Variants in ZNF831 observed in about 807,000 individuals in gnomAD.
The protein encoded by ZNF831 is chromosome 20 open reading frame 174.
ZNF831 carries 59 observed loss-of-function variants against 95.8 expected under a neutral mutation model. The ratio of observed to expected loss-of-function variants is 0.62; its 90% CI spans 0.50 to 0.77. The LOEUF (loss-of-function observed/expected upper bound fraction) is 0.77, where lower values mean the gene tolerates loss of function less well. Ranked by LOEUF, ZNF831 falls within the 30% of genes least tolerant of loss-of-function variation. The pLI, the probability that ZNF831 is intolerant of heterozygous loss-of-function variation, is 0.00. For synonymous variants in ZNF831, 961 were observed against 925.5 expected (o/e 1.04, Z -0.70); for missense variants, 2,205 against 2,164.0 (o/e 1.02, Z -0.38).
intron 2 of ZNF831, among the ~76,000 whole-genome samples, chr20:59,154,207 T>G (rs967389966): frequency 6.6e-6 from 1 of 152,176 alleles, no homozygotes; most frequent in African/African-American, 2.4e-5. Context: ...TGCAGTGGGT[T>G]GGGAGAGCCA....
chr20:59,139,914 G>T (rs1291027696), intron 1 of ZNF831, among the ~76,000 whole-genome samples: 1 of 152,150 alleles, frequency 6.6e-6, no homozygotes, highest in African/African-American at 2.4e-5. Flanking sequence ...TGGACTCAGT[G>T]TAAAGTAGTT....
chr20:59,253,860 C>A, intron 5 of ZNF831, 38 bp from the exon 6 acceptor site: 1 of 904,354 alleles, frequency 1.1e-6, no homozygotes. Context: ...CAATTAACCT[C>A]CCCCCCCACT....
chr20:59,249,299 C>A (rs560904888), intron 4 of ZNF831, among the ~76,000 whole-genome samples: 31 of 152,204 alleles, frequency 2.0e-4, no homozygotes, highest in African/African-American at 7.5e-4. Context: ...CTGTAGTATG[C>A]TCCCCTCCAT....
intron 2 of ZNF831, among the ~76,000 whole-genome samples, chr20:59,155,309 C>G (rs756970270): frequency 1.3e-5 from 2 of 152,182 alleles, no homozygotes; most frequent in African/African-American, 2.4e-5. Context: ...CACTTGTTAG[C>G]AGGCAGGAAA....
chr20:59,181,327 G>A (rs1000322274), intron 1 of ZNF831, among the ~76,000 whole-genome samples: 4 of 152,148 alleles, frequency 2.6e-5, no homozygotes, highest in Non-Finnish European at 5.9e-5. Flanking sequence ...TAGGTTGCCT[G>A]TTCACCCTGA....
Position 59,192,094 on chromosome 20 carries a change from C to A in ZNF831, c.1075C>A (p.Pro359Thr), listed in dbSNP as rs2146559698. ...RSDSAEQPHAPCSPLHSLSEH... is the reference protein window; with the variant it reads ...RSDSAEQPHATCSPLHSLSEH... ...CGACAGCGCGGAGCAGCCGCATGCG[C>A]CCTGCAGCCCCCTGCACAGCCTTTC... Residue 359 changes from proline to threonine, a missense_variant, in exon 2 of 6, where the codon CCC (proline) becomes ACC (threonine). By Grantham distance (38) the Pro-to-Thr change is conservative. Transcript: ENST00000371030. The surrounding 1 kb of genome is among the most constrained non-coding windows in gnomAD (Gnocchi z 5.2). 6.3e-7 allele frequency: 1 copy of A among 1,594,694 alleles called. No individual in the cohort carries two copies. Among genetic ancestry groups the A allele is most frequent in the Non-Finnish European group, 8.5e-7 (1 of 1,174,498 alleles).
chr20:59,162,777 C>T (rs143848321), upstream of ZNF831, among the ~76,000 whole-genome samples: 2 of 152,194 alleles, frequency 1.3e-5, no homozygotes, highest in East Asian at 3.9e-4. Context: ...GCTATTCGGG[C>T]TCCTTTTTGG....
chr20:59,238,957 A>C (rs974494422), intron 4 of ZNF831, among the ~76,000 whole-genome samples: 10 of 152,326 alleles, frequency 6.6e-5, no homozygotes, highest in South Asian at 2.1e-4. Flanking sequence ...TTTCCTCTCT[A>C]TGAGAGAAAT....
chr20:59,247,015 A>AT (rs982306676), intron 4 of ZNF831, among the ~76,000 whole-genome samples: 2 of 152,096 alleles, frequency 1.3e-5, no homozygotes, highest in African/African-American at 2.4e-5. Context: ...ATTTTTAGCC[A>AT]TTTTTTTCGT....
intron 1 of ZNF831, among the ~76,000 whole-genome samples, chr20:59,187,038 T>C (rs1601355355): frequency 6.6e-6 from 1 of 152,074 alleles, no homozygotes; most frequent in Non-Finnish European, 1.5e-5. Flanking sequence ...ATGATGCTAC[T>C]GATGCTGAGG....
intron 3 of ZNF831, among the ~76,000 whole-genome samples, chr20:59,198,530 T>C (rs1234318745): frequency 1.3e-5 from 2 of 152,158 alleles, no homozygotes; most frequent in Non-Finnish European, 2.9e-5. Flanking sequence ...CCCCATAGCA[T>C]TTGAGTTTGC....
intron 1 of ZNF831, among the ~76,000 whole-genome samples, chr20:59,188,806 A>G (rs2146536025): frequency 6.6e-6 from 1 of 152,374 alleles, no homozygotes; most frequent in South Asian, 2.1e-4. Context: ...TCTTGAAAGT[A>G]TCCTTTGATG....
intron 4 of ZNF831, among the ~76,000 whole-genome samples, chr20:59,239,243 C>G (rs1987174851): frequency 6.6e-6 from 1 of 152,092 alleles, no homozygotes. Context: ...CCCAGCGCTT[C>G]CAGCCCTCAG....
In ZNF831 at chr20:59,170,768, A is replaced by G. The variant is rs1457982362; in HGVS notation, c.-37+6561A>G. On this transcript the variant is annotated intron_variant, in intron 1 of 5. Transcript: ENST00000371030. ...TCCCAGCAAGGACACACGTGGAAGG[A>G]GTCAGACCTCCCTGGAAGAGATGTG... Among the ~76,000 whole-genome samples the G allele has an allele frequency of 2.6e-5, 4 of 152,204 alleles. No individual in the cohort carries two copies. In the East Asian group the frequency reaches 7.7e-4, roughly 29 times the overall value.
intron 3 of ZNF831, among the ~76,000 whole-genome samples, chr20:59,202,476 G>C (rs952434406): frequency 6.6e-6 from 1 of 152,060 alleles, no homozygotes; most frequent in South Asian, 2.1e-4. Context: ...TTTTGACTGT[G>C]AGTTGATATT....
intron 3 of ZNF831, among the ~76,000 whole-genome samples, chr20:59,198,652 G>C (rs1984298394): frequency 6.6e-6 from 1 of 152,262 alleles, no homozygotes; most frequent in Non-Finnish European, 1.5e-5. Flanking sequence ...TTGCAGAACA[G>C]GGAGGAGTCT....
At chr20:59,211,779 TTG>T (rs11472424) in intron 4 of ZNF831, among the ~76,000 whole-genome samples, 1,630 of 145,966 alleles carry the variant, frequency 0.011, 18 homozygotes, top group African/African-American at 0.033. Context: ...GGAGCTGACC[TTG>T]TGTGTGTGTG....
intron 4 of ZNF831, among the ~76,000 whole-genome samples, chr20:59,214,898 T>C (rs1031352658): frequency 6.6e-6 from 1 of 152,222 alleles, no homozygotes; most frequent in Non-Finnish European, 1.5e-5. Context: ...CTAATGCCCA[T>C]CAACATACAG....
intron 1 of ZNF831, among the ~76,000 whole-genome samples, chr20:59,125,353 A>G (rs1979139077): frequency 1.3e-5 from 2 of 152,198 alleles, no homozygotes; most frequent in South Asian, 2.1e-4. Context: ...TGTGACTTGC[A>G]GATCAGTTCA....
Sources: allele counts gnomAD v4.1 joint callset (sites outside exome capture counted in the v4.1 genomes callset), GRCh38; gene constraint gnomAD v4.1.1; non-coding constraint Gnocchi (gnomAD v3.1); transcripts MANE v1.5; gene names NCBI Gene and HGNC (gene_info 2026-07-23, HGNC 2026-07-21).